Variants in SEMA3A observed in about 807,000 individuals in gnomAD.
SEMA3A encodes the protein semaphorin-3A.
Under a neutral mutation model 97.9 loss-of-function variants are expected in SEMA3A, and 29 were observed. The ratio of observed to expected loss-of-function variants is 0.30; its 90% CI spans 0.22 to 0.40. The LOEUF (loss-of-function observed/expected upper bound fraction) is 0.40. Ranked by LOEUF, SEMA3A falls within the 10% of genes least tolerant of loss-of-function variation. The pLI, the probability that SEMA3A is intolerant of heterozygous loss-of-function variation, is 1.00. For synonymous variants in SEMA3A, 321 were observed against 323.7 expected (o/e 0.99, Z 0.09); for missense variants, 763 against 951.3 (o/e 0.80, Z 2.60).
At chr7:84,481,021 T>C (rs1240732208) in intron 1 of SEMA3A, among the ~76,000 whole-genome samples, 2 of 152,170 alleles carry the variant, frequency 1.3e-5, no homozygotes, top group African/African-American at 4.8e-5. Flanking sequence ...TGAGGGTGAC[T>C]GTTTTTGAAA....
chr7:83,989,976 C>T (rs1425579262), intron 12 of SEMA3A, among the ~76,000 whole-genome samples: 3 of 151,874 alleles, frequency 2.0e-5, no homozygotes, highest in Non-Finnish European at 4.4e-5. Context: ...CTCTCCAGCA[C>T]CTGTTGTTTC....
chr7:84,343,998 A>G (rs1395011317), intron 2 of SEMA3A, among the ~76,000 whole-genome samples: 2 of 151,840 alleles, frequency 1.3e-5, no homozygotes, highest in African/African-American at 2.4e-5. Context: ...ACTGAGTGAC[A>G]CTTTGTTTCG....
intron 1 of SEMA3A, among the ~76,000 whole-genome samples, chr7:84,408,467 T>C (rs1804168059): frequency 6.6e-6 from 1 of 151,826 alleles, no homozygotes. Context: ...AGTTCAACCA[T>C]TGTGGAAGTC....
chr7:83,973,638 G>A (rs959200080), intron 15 of SEMA3A, among the ~76,000 whole-genome samples: 1 of 152,068 alleles, frequency 6.6e-6, no homozygotes, highest in Non-Finnish European at 1.5e-5. Flanking sequence ...AGATGGCATT[G>A]TCAAAGACAT....
intron 1 of SEMA3A, among the ~76,000 whole-genome samples, chr7:84,163,802 C>T (rs1215942377): frequency 2.7e-5 from 4 of 150,942 alleles, no homozygotes; most frequent in Non-Finnish European, 4.4e-5. Flanking sequence ...AGATAAATCA[C>T]ATTCAAATGA....
intron 4 of SEMA3A, among the ~76,000 whole-genome samples, chr7:84,075,993 C>A (rs1793932754): frequency 6.6e-6 from 1 of 152,110 alleles, no homozygotes. Context: ...TTAAAAATAT[C>A]TTTGAAGTGT....
rs1037214801 is a variant in SEMA3A, at chr7:84,248,772, T to C, written c.-82-54104A>G. On this transcript the variant is annotated intron_variant, in intron 3 of 3. Transcript: ENST00000424555. ...CCCTCCCTCTCTCTCTTTTTAAAATTACGCAGTAAGTTTTAGGAGGGTCTG... is the reference window on the plus strand; with the variant it reads ...CCCTCCCTCTCTCTCTTTTTAAAATCACGCAGTAAGTTTTAGGAGGGTCTG... Among the ~76,000 whole-genome samples the C allele has an allele frequency of 3.9e-5, 6 of 152,018 alleles. No individual in the cohort carries two copies. In the East Asian group the frequency reaches 7.8e-4, roughly 20 times the overall value.
intron 3 of SEMA3A, among the ~76,000 whole-genome samples, chr7:84,126,963 G>C (rs1374914395): frequency 2.0e-5 from 3 of 151,506 alleles, no homozygotes. Context: ...CTTTCCAGAA[G>C]TTTCAAATTA....
At chr7:84,448,669 G>C (rs1322574218) in intron 1 of SEMA3A, among the ~76,000 whole-genome samples, 1 of 151,632 alleles carries the variant, frequency 6.6e-6, no homozygotes, top group Non-Finnish European at 1.5e-5. Context: ...ATTAAAAAAA[G>C]TAAAGAAATG....
chr7:84,038,349 T>C (rs1301671470), intron 6 of SEMA3A, among the ~76,000 whole-genome samples: 3 of 152,176 alleles, frequency 2.0e-5, no homozygotes, highest in South Asian at 4.1e-4. Context: ...TCAGTATATT[T>C]ATGTATTTTA....
intron 4 of SEMA3A, among the ~76,000 whole-genome samples, chr7:84,089,885 T>C (rs928686090): frequency 6.6e-5 from 10 of 151,982 alleles, no homozygotes; most frequent in African/African-American, 2.4e-4. Context: ...AGATGCAATA[T>C]TGATTTGTAA....
intron 3 of SEMA3A, among the ~76,000 whole-genome samples, chr7:84,264,318 T>C (rs1049108949): frequency 1.3e-5 from 2 of 152,124 alleles, no homozygotes; most frequent in African/African-American, 4.8e-5. Context: ...ACAAACTACT[T>C]GGGGGGCCTA....
chr7:83,963,273 T>G lies in SEMA3A; in HGVS notation c.1792A>C (p.Ser598Arg), dbSNP rs1248925818. Reference protein sequence around the residue: ...VENSSTFLECSPKSQRALVYW... With the variant: ...VENSSTFLECRPKSQRALVYW... ...ACCAGCGCTCTCTGCGACTTCGGAC[T>G]GCATTCCAAAAATGTGCTACTATTC... is the stretch of plus-strand genomic sequence containing the variant. Residue 598 changes from serine (S) to arginine (R), a missense_variant, in exon 16 of 17, where the codon AGT (serine) becomes CGT (arginine). Ser to Arg is a moderately radical substitution (Grantham distance 110). Around this residue, in one of 2 missense-constraint regions of SEMA3A, gnomAD observed 678 missense variants for 881.3 expected, o/e 0.77. Coordinates refer to ENST00000265362, the MANE Select transcript of SEMA3A (RefSeq NM_006080.3). 6.2e-7 allele frequency: 1 copy of G among 1,613,828 alleles called. No individual in the cohort carries two copies. The highest frequency in any genetic ancestry group is 1.3e-5 in the African/African-American group (1 of 75,066).
At chr7:84,001,047 C>G (rs1482984215) in intron 12 of SEMA3A, among the ~76,000 whole-genome samples, 2 of 145,888 alleles carry the variant, frequency 1.4e-5, no homozygotes, top group Non-Finnish European at 3.0e-5. Flanking sequence ...ATTTTTCTGT[C>G]TACCAACTTC....
At chr7:84,477,184 A>C (rs1806312036) in intron 1 of SEMA3A, among the ~76,000 whole-genome samples, 1 of 150,888 alleles carries the variant, frequency 6.6e-6, no homozygotes, top group South Asian at 2.1e-4. Flanking sequence ...CACACCTGTA[A>C]TCCCAGCACT....
chr7:84,404,172 G>C (rs1480014727), intron 1 of SEMA3A, among the ~76,000 whole-genome samples: 1 of 152,128 alleles, frequency 6.6e-6, no homozygotes, highest in Non-Finnish European at 1.5e-5. Context: ...TGGATAACTG[G>C]AATAAACAGT....
intron 1 of SEMA3A, among the ~76,000 whole-genome samples, chr7:84,477,821 C>A (rs982090624): frequency 2.6e-5 from 4 of 152,150 alleles, no homozygotes; most frequent in African/African-American, 9.7e-5. Context: ...AAACATACGA[C>A]CTGCATGCAA....
In SEMA3A at chr7:83,961,678, G is replaced by C. The variant is rs758957795; in HGVS notation, c.2009C>G (p.Thr670Arg). 40 of 1,613,692 alleles carry C rather than the reference G, an allele frequency of 2.5e-5. No homozygotes were observed. Among genetic ancestry groups the C allele is most frequent in the African/African-American group, 4.0e-5 (3 of 74,896 alleles). Residue 670 changes from threonine (T) to arginine (R), a missense_variant, in exon 17 of 17, where the codon ACA (threonine) becomes AGA (arginine). Coordinates refer to ENST00000265362, the MANE Select transcript of SEMA3A (RefSeq NM_006080.3). ...ATGAAGAAGTTCTTCCAAATGCTCT[G>C]TGTCAATGACTTCCAGGGTTACCTT... ...LLKVTLEVID[T>R]EHLEELLHKD...
intron 3 of SEMA3A, among the ~76,000 whole-genome samples, chr7:84,203,751 G>A (rs913994943): frequency 4.0e-5 from 6 of 151,170 alleles, no homozygotes; most frequent in Admixed American, 6.6e-5. Flanking sequence ...GTCTGGTCTC[G>A]AACTCCTGAC....
Sources: allele counts gnomAD v4.1 joint callset (sites outside exome capture counted in the v4.1 genomes callset), GRCh38; gene constraint gnomAD v4.1.1; regional missense constraint gnomAD v4.1.1; transcripts MANE v1.5; gene names NCBI Gene and HGNC (gene_info 2026-07-23, HGNC 2026-07-21).